MFN2: variants seen among roughly 807,000 people sequenced by gnomAD.
MFN2 encodes the protein mitofusin 2.
A neutral mutation model predicts 87.5 loss-of-function variants in MFN2; 43 were observed. That is an observed-to-expected ratio of 0.49 (90% CI 0.38 to 0.63). MFN2 has a LOEUF of 0.63. Among genes scored for constraint, MFN2 ranks in the 30% least tolerant of loss-of-function variants. The pLI, the probability that MFN2 is intolerant of heterozygous loss-of-function variation, is 0.00. For synonymous variants in MFN2, 337 were observed against 359.9 expected (o/e 0.94, Z 0.72); for missense variants, 743 against 972.8 (o/e 0.76, Z 3.14).
intron 1 of MFN2, 50 bp downstream of exon 1, chr1:11,980,534 G>A: frequency 2.5e-6 from 1 of 398,014 alleles, no homozygotes; most frequent in Non-Finnish European, 4.4e-6. Flanking sequence ...GGCCCGGCCC[G>A]GCGAGTCCTG....
intron 15 of MFN2, 61 bp downstream of exon 15, chr1:12,005,992 A>C (rs956950185): frequency 9.9e-6 from 15 of 1,520,442 alleles, no homozygotes; most frequent in African/African-American, 1.4e-5. Context: ...CTGCCTCCAG[A>C]CACGGGAACC....
At chr1:11,995,317 T>C (rs569282265) in intron 4 of MFN2, among the ~76,000 whole-genome samples, 1 of 151,326 alleles carries the variant, frequency 6.6e-6, no homozygotes, top group African/African-American at 2.4e-5. Flanking sequence ...CCAGAATACA[T>C]GAAAGGGGTG....
intron 8 of MFN2, among the ~76,000 whole-genome samples, chr1:11,999,661 C>T (rs1485263826): frequency 1.3e-5 from 2 of 151,742 alleles, no homozygotes; most frequent in Non-Finnish European, 2.9e-5. Flanking sequence ...CCTGGCCTCA[C>T]AACTCTTTAA....
In MFN2 at chr1:12,005,770, C is replaced by G. The variant is rs369140232; in HGVS notation, c.1555C>G (p.Arg519Gly). 1.9e-6 allele frequency: 3 copies of G among 1,614,110 alleles called. No homozygotes were observed. In the African/African-American group the frequency reaches 4.0e-5, roughly 22 times the overall value. Residue 519 changes from arginine (R) to glycine (G), a missense_variant, in exon 15 of 19, where the codon CGC becomes GGC. Physicochemically the swap from Arg to Gly is moderately radical, Grantham distance 125. This residue lies in a region of MFN2 where 571 missense variants were observed against 670.7 expected (regional missense o/e 0.85). Transcript: ENST00000235329. ...VRSQIDMLVPRQCFSLNYDLN... is the reference protein window; with the variant it reads ...VRSQIDMLVPGQCFSLNYDLN... ...GAGTCAGATAGACATGCTGGTCCCA[C>G]GCCAGTGCTTCTCCCTCAACTATGA...
At chr1:11,985,274 C>G (rs1464995871) in intron 2 of MFN2, among the ~76,000 whole-genome samples, 1 of 152,046 alleles carries the variant, frequency 6.6e-6, no homozygotes, top group Non-Finnish European at 1.5e-5. Context: ...TAATTTGAGA[C>G]AGTTTCTCTC....
chr1:12,001,955 C>T, intron 10 of MFN2, 27 bp from the exon 11 acceptor site: 3 of 1,614,182 alleles, frequency 1.9e-6, no homozygotes, highest in Non-Finnish European at 2.5e-6. Flanking sequence ...TGGCCCCCAC[C>T]TCCCTCCGTG....
At chr1:11,988,476 T>C (rs373566057) in intron 2 of MFN2, among the ~76,000 whole-genome samples, 3 of 150,574 alleles carry the variant, frequency 2.0e-5, no homozygotes, top group South Asian at 4.2e-4. Flanking sequence ...AAAGTTCAAG[T>C]GATCTGCCTG....
intron 2 of MFN2, among the ~76,000 whole-genome samples, chr1:11,983,580 C>G (rs768332480): frequency 1.3e-5 from 2 of 152,146 alleles, no homozygotes; most frequent in African/African-American, 2.4e-5. Context: ...TCAGGCTATG[C>G]TTGCAGGATG....
intron 3 of MFN2, among the ~76,000 whole-genome samples, chr1:11,990,548 A>T (rs984592274): frequency 3.3e-5 from 5 of 152,208 alleles, no homozygotes; most frequent in African/African-American, 1.2e-4. Flanking sequence ...GGACAAACAC[A>T]TGCGTAATGC....
intron 3 of MFN2, among the ~76,000 whole-genome samples, chr1:11,989,756 G>T (rs1228582462): frequency 6.6e-6 from 1 of 152,140 alleles, no homozygotes; most frequent in African/African-American, 2.4e-5. Context: ...CACTGTTTGG[G>T]TGTCAGTGAT....
chr1:12,011,927 C>T lies in MFN2; in HGVS notation c.*362C>T, dbSNP rs1361391085. The T allele has an allele frequency of 3.0e-6, 1 of 332,138 alleles. No homozygotes were observed. The highest frequency in any genetic ancestry group is 2.1e-5 in the African/African-American group (1 of 47,630). 20.6% of individuals were successfully genotyped at this position (332,138 alleles called of 1,614,324 possible). A position where few individuals can be genotyped will look rare whatever the true frequency, so the allele number is the denominator to read the frequency against. ...CTCATGGAAGCCTTTGAGGGTATCA[C>T]ACAGACACCCCCACCTTCCTCCAGC... On this transcript the variant is annotated 3_prime_UTR_variant, in exon 19 of 19. Coordinates refer to ENST00000235329, the MANE Select transcript of MFN2 (RefSeq NM_014874.4).
rs35314016 is a variant in MFN2, at chr1:11,991,923, CAAAAAAAAAAAAAAAAA to C, written c.176-619_176-603del. Among the ~76,000 whole-genome samples, 78 of 16,730 alleles carry C rather than the reference CAAAAAAAAAAAAAAAAA, an allele frequency of 4.7e-3. 3 individuals are homozygous for C. Among genetic ancestry groups the C allele is most frequent in the Admixed American group, 0.045 (44 of 968 alleles). 11.0% of individuals were successfully genotyped at this position (16,730 alleles called of 152,430 possible). A position where few individuals can be genotyped will look rare whatever the true frequency, so the allele number is the denominator to read the frequency against. On this transcript the variant is annotated intron_variant, in intron 3 of 18. Transcript: ENST00000235329. Reference sequence around the variant, plus strand: ...TGGGCGACAGAGCGAGACTCCGTCTCAAAAAAAAAAAAAAAAAAAAAAAAAAAAAGAAGTGACATAGA... The same window carrying C: ...TGGGCGACAGAGCGAGACTCCGTCTCAAAAAAAAAAAAGAAGTGACATAGA...
chr1:12,011,960 C>G lies in MFN2; in HGVS notation c.*395C>G, dbSNP rs985253798. 4.5e-5 allele frequency: 12 copies of G among 268,568 alleles called. No homozygotes were observed. The East Asian group carries it at 1.0e-3, about 23-fold the overall frequency. 16.6% of individuals were successfully genotyped at this position (268,568 alleles called of 1,614,324 possible). On this transcript the variant is annotated 3_prime_UTR_variant, in exon 19 of 19. Transcript: ENST00000235329. ...CCCCCACCTTCCTCCAGCCTGTGCG[C>G]ACCTGCCCTCCTTGCAGCCCAGCAC...
intron 2 of MFN2, among the ~76,000 whole-genome samples, chr1:11,986,265 T>C (rs917104613): frequency 2.6e-4 from 39 of 152,196 alleles, no homozygotes; most frequent in African/African-American, 8.7e-4. Context: ...TTGGCCCCAT[T>C]TGGAAGTTTT....
intron 11 of MFN2, 124 bp downstream of exon 11, chr1:12,002,227 C>T (rs1391271425): frequency 2.6e-6 from 4 of 1,513,212 alleles, no homozygotes; most frequent in Non-Finnish European, 3.6e-6. Flanking sequence ...CATCCAGAGC[C>T]CTTTCCCTGG....
intron 14 of MFN2, 79 bp from the exon 15 acceptor site, chr1:12,005,632 A>G (rs2100852374): frequency 1.4e-6 from 2 of 1,405,720 alleles, no homozygotes; most frequent in East Asian, 2.3e-5. Flanking sequence ...TAGCTGGTAG[A>G]GCCCTGTCTC....
chr1:11,983,277 T>C (rs548922605), intron 2 of MFN2, among the ~76,000 whole-genome samples: 8 of 152,322 alleles, frequency 5.3e-5, no homozygotes, highest in Admixed American at 4.6e-4. Flanking sequence ...TTCACCGTGT[T>C]AGCCAGGATG....
rs771996573 is a variant in MFN2 at position 11,999,088 on chromosome 1, T to C, written c.809T>C (p.Met270Thr). ...WDASASEPEY[M>T]EEVRRQHMER... The stretch of plus-strand genomic sequence containing the variant: ...GCATCTGCCTCAGAGCCCGAGTACA[T>C]GGAGGAGGTTCGTGCTTCTGTTTGG... Residue 270 changes from methionine (M) to threonine (T), a missense_variant, in exon 8 of 19, where the codon ATG becomes ACG. Around this residue, in one of 3 missense-constraint regions of MFN2, gnomAD observed 571 missense variants for 670.7 expected, o/e 0.85. Transcript: ENST00000235329. 6.8e-6 allele frequency: 11 copies of C among 1,614,172 alleles called. No individual in the cohort carries two copies. The highest frequency in any genetic ancestry group is 5.5e-5 in the South Asian group (5 of 91,090).
chr1:12,000,914 C>A (rs529302105), intron 8 of MFN2, among the ~76,000 whole-genome samples: 70 of 152,312 alleles, frequency 4.6e-4, no homozygotes, highest in South Asian at 1.0e-3. Flanking sequence ...TGCCAAGTAA[C>A]CCCCACACGT....
Sources: allele counts gnomAD v4.1 joint callset (sites outside exome capture counted in the v4.1 genomes callset), GRCh38; gene constraint gnomAD v4.1.1; regional missense constraint gnomAD v4.1.1; transcripts MANE v1.5; gene names NCBI Gene and HGNC (gene_info 2026-07-23, HGNC 2026-07-21).